Variants in HPS4 observed in about 807,000 individuals in gnomAD.
HPS4 encodes the protein BLOC-3 complex member HPS4.
Under a neutral mutation model 70.3 loss-of-function variants are expected in HPS4, and 44 were observed. That is an observed-to-expected ratio of 0.63 (90% CI 0.49 to 0.80). The LOEUF (loss-of-function observed/expected upper bound fraction) is 0.80, where lower values mean the gene tolerates loss of function less well. HPS4 is among the 30% of genes least tolerant of loss of function. HPS4 has a pLI of 0.00. For missense variants in HPS4, 873 were observed against 884.4 expected (o/e 0.99, Z 0.16); for synonymous variants, 377 against 355.9 (o/e 1.06, Z -0.67).
intron 10 of HPS4, among the ~76,000 whole-genome samples, chr22:26,465,238 T>C (rs1267460669): frequency 6.6e-6 from 1 of 152,168 alleles, no homozygotes; most frequent in African/African-American, 2.4e-5. Context: ...CCATAGCTGG[T>C]ATAAGTAAGA....
At position 26,451,733 on chromosome 22, in the gene HPS4, A is replaced by G. The variant is rs1337596855; in HGVS notation, c.*1500T>C. ...TGTAATCAATTTTTTCTGGGAGAAC[A>G]TAGCAGAGGAGTAAGACAACATTTA... On this transcript the variant is annotated 3_prime_UTR_variant, in exon 14 of 14. Coordinates refer to ENST00000398145, the MANE Select transcript of HPS4 (RefSeq NM_022081.6). 1 of 152,336 alleles carries G rather than the reference A, an allele frequency of 6.6e-6. No homozygotes were observed. The allele number at this position is 152,336 out of a possible 1,614,324, so 9.4% of individuals were successfully genotyped here.
chr22:26,454,974 T>C (rs534108328), intron 13 of HPS4, among the ~76,000 whole-genome samples: 4,772 of 152,136 alleles, frequency 0.031, 91 homozygotes, highest in Non-Finnish European at 0.037. Flanking sequence ...AAAAAACACA[T>C]GAAAAAATGC....
chr22:26,453,671 A>G, intron 13 of HPS4: 5 of 513,278 alleles, frequency 9.7e-6, no homozygotes, highest in South Asian at 8.0e-5. Context: ...CTGGAGTTAT[A>G]AGTATTGCAT....
In HPS4 at chr22:26,451,024, A is replaced by G. The variant is rs150263442; in HGVS notation, c.*2209T>C. Among the ~76,000 whole-genome samples, 212 of 152,344 alleles carry G rather than the reference A, an allele frequency of 1.4e-3. No homozygotes were observed. Among genetic ancestry groups the G allele is most frequent in the Middle Eastern group, 6.8e-3 (2 of 294 alleles). On this transcript the variant is annotated 3_prime_UTR_variant, in exon 14 of 14. Coordinates refer to ENST00000398145, the MANE Select transcript of HPS4 (RefSeq NM_022081.6). ...TGGCTGGCACAGAGGAAGCCAAAAC[A>G]GAGGCTTTTCTGCCCTGAAGAGTCA... is the stretch of plus-strand genomic sequence containing the variant.
rs111636301 is a variant in HPS4, at chr22:26,471,658, T to C, written c.501+644A>G. ...GGAGCAGGGAAAACCCTTCCCCATG[T>C]CTGGTGGAGTCATGCTCTGTGAAGG... On this transcript the variant is annotated intron_variant, in intron 6 of 13. Coordinates refer to ENST00000398145, the MANE Select transcript of HPS4 (RefSeq NM_022081.6). 3.3e-3 allele frequency among the ~76,000 whole-genome samples: 510 copies of C among 152,300 alleles called. 4 individuals carry two copies. The highest frequency in any genetic ancestry group is 0.012 in the African/African-American group (482 of 41,556).
At position 26,452,724 on chromosome 22, in the gene HPS4, GC is replaced by G. The variant is rs1439375852; in HGVS notation, c.*508del. On this transcript the variant is annotated 3_prime_UTR_variant, in exon 14 of 14. Transcript: ENST00000398145. ...CTGCAGGAACGATCCGGACCTCCCA[GC>G]AAGAGCGCACTGGAGAAACCTACCT... is the stretch of plus-strand genomic sequence containing the variant. The G allele has an allele frequency of 4.0e-6, 1 of 250,772 alleles. No individual in the cohort carries two copies. The highest frequency in any genetic ancestry group is 2.3e-5 in the African/African-American group (1 of 44,020). The allele number at this position is 250,772 out of a possible 1,614,324, so 15.5% of individuals were successfully genotyped here.
In HPS4 at chr22:26,452,788, G is replaced by A. The variant is rs2085423538; in HGVS notation, c.*445C>T. On this transcript the variant is annotated 3_prime_UTR_variant, in exon 14 of 14. Coordinates refer to ENST00000398145, the MANE Select transcript of HPS4 (RefSeq NM_022081.6). ...TGGAGTCGGCCTGCTCACAGATCCG[G>A]CACCTCGCTGTGCAGTCACACCGCC... 1 of 252,056 alleles carries A rather than the reference G, an allele frequency of 4.0e-6. No homozygotes were observed. The highest frequency in any genetic ancestry group is 1.1e-4 in the East Asian group (1 of 9,500). The allele number at this position is 252,056 out of a possible 1,614,324, so 15.6% of individuals were successfully genotyped here. A position where few individuals can be genotyped will look rare whatever the true frequency, so the allele number is the denominator to read the frequency against.
At position 26,452,040 on chromosome 22, in the gene HPS4, ACACT is replaced by A. The variant is rs1223720137; in HGVS notation, c.*1189_*1192del. 4.1e-5 allele frequency: 13 copies of A among 316,826 alleles called. No individual in the cohort carries two copies. Among genetic ancestry groups the A allele is most frequent in the African/African-American group, 2.1e-4 (9 of 42,922 alleles). The allele number at this position is 316,826 out of a possible 1,614,324, so 19.6% of individuals were successfully genotyped here. A position where few individuals can be genotyped will look rare whatever the true frequency, so the allele number is the denominator to read the frequency against. ...CACACACACACACACACACACACAC[ACACT>A]GTCTTAACCCTTACCTTTGTCACAA... On this transcript the variant is annotated 3_prime_UTR_variant, in exon 14 of 14. Coordinates refer to ENST00000398145, the MANE Select transcript of HPS4 (RefSeq NM_022081.6).
intron 11 of HPS4, among the ~76,000 whole-genome samples, chr22:26,463,015 T>C (rs1306894966): frequency 3.3e-5 from 5 of 152,210 alleles, no homozygotes; most frequent in African/African-American, 1.2e-4. Flanking sequence ...TGCATGATAG[T>C]AAGATCAGCT....
chr22:26,478,974 G>A (rs767355697), intron 3 of HPS4, among the ~76,000 whole-genome samples: 1 of 152,058 alleles, frequency 6.6e-6, no homozygotes, highest in Non-Finnish European at 1.5e-5. Context: ...ATAAACTACC[G>A]TGCCCAGCAG....
chr22:26,458,747 G>C (rs2086674604), intron 11 of HPS4, among the ~76,000 whole-genome samples, 170 bp from the exon 12 acceptor site: 1 of 151,700 alleles, frequency 6.6e-6, no homozygotes, highest in South Asian at 2.1e-4. Flanking sequence ...ACTTAAGCCA[G>C]GAGTTTAAGG....
Position 26,465,350 on chromosome 22 carries a change from G to A in HPS4, c.803+105C>T, listed in dbSNP as rs78594246. Reference sequence around the variant, plus strand: ...TTACAAGACAGGGCATGGGGAAGATGGAATTAAGGAACGATGGGATGTATC... The same window carrying A: ...TTACAAGACAGGGCATGGGGAAGATAGAATTAAGGAACGATGGGATGTATC... On this transcript the variant is annotated intron_variant, in intron 10 of 13. Coordinates refer to ENST00000398145, the MANE Select transcript of HPS4 (RefSeq NM_022081.6). 6,223 of 799,196 alleles carry A rather than the reference G, an allele frequency of 7.8e-3. 45 individuals are homozygous for A. Among genetic ancestry groups the A allele is most frequent in the Middle Eastern group, 0.013 (58 of 4,486 alleles). The allele number at this position is 799,196 out of a possible 1,614,324, so 49.5% of individuals were successfully genotyped here.
At position 26,464,830 on chromosome 22, in the gene HPS4, G is replaced by T; in HGVS notation, c.804-4C>A. On this transcript the variant is annotated splice_region_variant and splice_polypyrimidine_tract_variant and intron_variant, in intron 10 of 13. Coordinates refer to ENST00000398145, the MANE Select transcript of HPS4 (RefSeq NM_022081.6). The stretch of plus-strand genomic sequence containing the variant: ...TCCTGCTGGAGATGCTAGAGACCTG[G>T]CAAACAAGAGAGATGTAAGGAAGGG... 6.3e-7 allele frequency: 1 copy of T among 1,589,502 alleles called. No homozygotes were observed.
At position 26,481,931 on chromosome 22, in the gene HPS4, G is replaced by T. The variant is rs1368432170; in HGVS notation, c.-169C>A. ...ACTTGGTTAGTTTTCACTCAGCATG[G>T]AAAGTTCCACTTCCCTTCCTTGCAG... On this transcript the variant is annotated 5_prime_UTR_variant, in exon 2 of 14. Transcript: ENST00000398145. The T allele has an allele frequency of 8.7e-6, 6 of 691,816 alleles. No homozygotes were observed. Among genetic ancestry groups the T allele is most frequent in the Non-Finnish European group, 1.6e-5 (6 of 379,372 alleles). 42.9% of individuals were successfully genotyped at this position (691,816 alleles called of 1,614,324 possible). A position where few individuals can be genotyped will look rare whatever the true frequency, so the allele number is the denominator to read the frequency against.
chr22:26,466,377 T>C (rs2088627000), intron 8 of HPS4, 115 bp from the exon 9 acceptor site: 3 of 1,153,938 alleles, frequency 2.6e-6, no homozygotes, highest in African/African-American at 1.5e-5. Flanking sequence ...CCAGAAAGCT[T>C]GTCCCAACCA....
At chr22:26,469,051 C>T (rs73419371) in intron 7 of HPS4, among the ~76,000 whole-genome samples, 2,467 of 152,018 alleles carry the variant, frequency 0.016, 78 homozygotes, top group African/African-American at 0.055. Context: ...AAGGAGATAG[C>T]AAAAATAAAC....
downstream of HPS4, among the ~76,000 whole-genome samples, chr22:26,447,149 C>G (rs1664653909): frequency 6.6e-6 from 1 of 152,234 alleles, no homozygotes; most frequent in Non-Finnish European, 1.5e-5. Context: ...ACCAATCAGT[C>G]TTCCAAACTC....
At chr22:26,444,286 T>C (rs939448657) in exon 4 of HPS4, 2 of 151,868 alleles carry the variant, frequency 1.3e-5, no homozygotes, top group Non-Finnish European at 2.9e-5. Flanking sequence ...GACTTGGAGA[T>C]AGTGGAAGAG....
chr22:26,443,150 A>G, downstream of HPS4: 1 of 1,614,090 alleles, frequency 6.2e-7, no homozygotes, highest in Non-Finnish European at 8.5e-7. Context: ...GTGGCATCCA[A>G]ACGTCGCAGC....
Sources: gnomAD v4.1 joint callset for allele counts (sites outside exome capture counted in the v4.1 genomes callset) on GRCh38, gnomAD v4.1.1 for gene constraint, MANE v1.5 for transcripts, NCBI Gene and HGNC (gene_info 2026-07-23, HGNC 2026-07-21) for gene names.